Variants in PTPRM observed in about 807,000 individuals in gnomAD.
The protein encoded by PTPRM is receptor-type tyrosine-protein phosphatase mu.
Under a neutral mutation model 186.7 loss-of-function variants are expected in PTPRM, and 47 were observed. That is an observed-to-expected ratio of 0.25 (90% CI 0.20 to 0.32). The LOEUF (loss-of-function observed/expected upper bound fraction) is 0.32. PTPRM is among the 10% of genes least tolerant of loss of function. The probability of loss-of-function intolerance (pLI) is 1.00; values close to 1 mark genes in which losing one functional copy is unlikely to be tolerated. For missense variants in PTPRM, 1,494 were observed against 1,865.0 expected (o/e 0.80, Z 3.66); for synonymous variants, 668 against 674.9 (o/e 0.99, Z 0.16).
chr18:7,897,304 G>A (rs2049413662), intron 3 of PTPRM, among the ~76,000 whole-genome samples: 1 of 152,182 alleles, frequency 6.6e-6, no homozygotes, highest in Admixed American at 6.5e-5. Flanking sequence ...ATACTGATAT[G>A]TGCCAGTTGA....
At chr18:8,142,867 A>G (rs1173745545) in intron 13 of PTPRM, among the ~76,000 whole-genome samples, 1 of 152,198 alleles carries the variant, frequency 6.6e-6, no homozygotes, top group African/African-American at 2.4e-5. Context: ...GAGGAAACGT[A>G]TATTTCATCA....
chr18:8,214,223 A>T (rs368711593), intron 14 of PTPRM, among the ~76,000 whole-genome samples: 37 of 152,312 alleles, frequency 2.4e-4, no homozygotes, highest in African/African-American at 8.9e-4. Context: ...TGTAACCAAA[A>T]ACCACTTGTT....
chr18:7,732,715 G>GGCTGGTCTCGAACT (rs1209443368), intron 1 of PTPRM, among the ~76,000 whole-genome samples: 1 of 151,832 alleles, frequency 6.6e-6, no homozygotes, highest in East Asian at 1.9e-4. Context: ...CTATTGCCCA[G>GGCTGGTCTCGAACT]GCTGGTCTCG....
At chr18:7,715,318 A>G (rs1270366616) in intron 1 of PTPRM, among the ~76,000 whole-genome samples, 2 of 152,212 alleles carry the variant, frequency 1.3e-5, no homozygotes, top group Non-Finnish European at 2.9e-5. Flanking sequence ...TCTTCATGCT[A>G]AAAACTCTTA....
intron 7 of PTPRM, among the ~76,000 whole-genome samples, chr18:7,999,763 T>C (rs2083757985): frequency 6.6e-6 from 1 of 152,038 alleles, no homozygotes; most frequent in Non-Finnish European, 1.5e-5. Context: ...GGAAAATTAT[T>C]GTACTAGGGT....
intron 23 of PTPRM, among the ~76,000 whole-genome samples, chr18:8,350,627 A>T (rs1431493350): frequency 6.6e-6 from 1 of 152,130 alleles, no homozygotes; most frequent in Non-Finnish European, 1.5e-5. Context: ...TTTTATAAAC[A>T]TTGGCTCCTG....
intron 2 of PTPRM, among the ~76,000 whole-genome samples, chr18:7,875,427 G>A (rs552343858): frequency 1.3e-3 from 192 of 151,358 alleles, no homozygotes; most frequent in African/African-American, 4.3e-3. Context: ...GGGTTCAAGC[G>A]ATTCTCCTGC....
intron 15 of PTPRM, 53 bp downstream of exon 15, chr18:8,244,262 T>A: frequency 7.0e-7 from 1 of 1,435,220 alleles, no homozygotes; most frequent in Non-Finnish European, 9.2e-7. Flanking sequence ...TTTGCAAGAT[T>A]CCAGGTGGTA....
intron 14 of PTPRM, among the ~76,000 whole-genome samples, chr18:8,160,973 C>T (rs934732649): frequency 9.2e-5 from 14 of 152,128 alleles, no homozygotes; most frequent in African/African-American, 3.4e-4. Flanking sequence ...TACCTGATTT[C>T]TATAAAAGCC....
intron 7 of PTPRM, among the ~76,000 whole-genome samples, chr18:8,027,379 T>C (rs956520778): frequency 3.9e-5 from 6 of 152,250 alleles, no homozygotes; most frequent in Non-Finnish European, 5.9e-5. Flanking sequence ...ATGAGAAACA[T>C]ATCCCTTAAA....
chr18:8,263,328 C>G (rs540610128), intron 19 of PTPRM, among the ~76,000 whole-genome samples: 1 of 152,144 alleles, frequency 6.6e-6, no homozygotes, highest in African/African-American at 2.4e-5. Flanking sequence ...AGGCTGGTCT[C>G]GAACTCCTGA....
At position 7,783,748 on chromosome 18, in the gene PTPRM, TTGTGTGTGTGTGTG is replaced by T. The variant is rs60314284; in HGVS notation, c.196+9489_196+9502del. Among the ~76,000 whole-genome samples, 6 of 146,724 alleles carry T rather than the reference TTGTGTGTGTGTGTG, an allele frequency of 4.1e-5. No homozygotes were observed. In the East Asian group the frequency reaches 1.2e-3, roughly 30 times the overall value. Reference sequence around the variant, plus strand: ...CACCATGCCTGGCTAATTTTTAATTTTGTGTGTGTGTGTGTGTGTGTGTGTATGTGTGTGTGTGT... The same window carrying T: ...CACCATGCCTGGCTAATTTTTAATTTTGTGTGTGTGTATGTGTGTGTGTGT... On this transcript the variant is annotated intron_variant, in intron 2 of 32. Transcript: ENST00000580170.
chr18:8,119,336 T>C (rs2092084556), intron 13 of PTPRM, among the ~76,000 whole-genome samples: 1 of 152,180 alleles, frequency 6.6e-6, no homozygotes, highest in Non-Finnish European at 1.5e-5. Flanking sequence ...TGAAATACCA[T>C]CCTTTGTAGG....
chr18:7,794,079 C>A (rs930299101), intron 2 of PTPRM, among the ~76,000 whole-genome samples: 6 of 152,198 alleles, frequency 3.9e-5, no homozygotes, highest in African/African-American at 1.4e-4. Flanking sequence ...CTTCTGGCTT[C>A]CCCATCTGCT....
chr18:8,386,860 G>T (rs778195573), intron 30 of PTPRM, among the ~76,000 whole-genome samples: 1 of 152,086 alleles, frequency 6.6e-6, no homozygotes, highest in Admixed American at 6.5e-5. Flanking sequence ...CCTGTCATTT[G>T]TCTGGCCTGT....
chr18:8,247,352 G>A (rs2094486737), intron 15 of PTPRM, among the ~76,000 whole-genome samples: 1 of 152,142 alleles, frequency 6.6e-6, no homozygotes, highest in Non-Finnish European at 1.5e-5. Flanking sequence ...AACACGCATG[G>A]AGCACCACCT....
At chr18:7,946,176 C>A (rs1371974563) in intron 5 of PTPRM, among the ~76,000 whole-genome samples, 1 of 152,198 alleles carries the variant, frequency 6.6e-6, no homozygotes, top group Admixed American at 6.5e-5. Flanking sequence ...AGGAGGGTTT[C>A]TTTTACTTGA....
chr18:7,609,678 G>A (rs1401224913), intron 1 of PTPRM, among the ~76,000 whole-genome samples: 3 of 152,072 alleles, frequency 2.0e-5, no homozygotes, highest in Admixed American at 1.3e-4. Context: ...TGCAGTTGAG[G>A]GCAAGACAGT....
chr18:7,800,795 A>C (rs1245359121), intron 2 of PTPRM, among the ~76,000 whole-genome samples: 1 of 152,216 alleles, frequency 6.6e-6, no homozygotes, highest in Non-Finnish European at 1.5e-5. Flanking sequence ...TGTTGGCTGT[A>C]TGGTATACCC....
Sources: gnomAD v4.1 joint callset for allele counts (sites outside exome capture counted in the v4.1 genomes callset) on GRCh38, gnomAD v4.1.1 for gene constraint, MANE v1.5 for transcripts, NCBI Gene and HGNC (gene_info 2026-07-23, HGNC 2026-07-21) for gene names.